The following DUOX1 variants were observed in gnomAD, a reference collection of about 807,000 sequenced individuals.
DUOX1 encodes the protein dual oxidase 1.
DUOX1 carries 134 observed loss-of-function variants against 181.8 expected under a neutral mutation model. The ratio of observed to expected loss-of-function variants is 0.74; its 90% CI spans 0.64 to 0.85. DUOX1 has a LOEUF of 0.85. DUOX1 is among the 40% of genes least tolerant of loss of function. The probability of loss-of-function intolerance (pLI) is 0.00; values close to 1 mark genes in which losing one functional copy is unlikely to be tolerated. For synonymous variants in DUOX1, 798 were observed against 832.5 expected (o/e 0.96, Z 0.71); for missense variants, 1,814 against 2,064.4 (o/e 0.88, Z 2.35).
chr15:45,162,106 T>A (rs1897119809), intron 30 of DUOX1, 113 bp from the exon 31 acceptor site: 1 of 1,486,632 alleles, frequency 6.7e-7, no homozygotes, highest in South Asian at 1.3e-5. Flanking sequence ...ATGCCACAAA[T>A]CCTCCTCTTC....
At chr15:45,150,924 G>A (rs1239824770) in intron 22 of DUOX1, among the ~76,000 whole-genome samples, 199 bp from the exon 23 acceptor site, 1 of 152,186 alleles carries the variant, frequency 6.6e-6, no homozygotes, top group African/African-American at 2.4e-5. Flanking sequence ...CCCTTGTGAA[G>A]GGTAAAGGCA....
chr15:45,132,242 C>A (rs1269108352), intron 2 of DUOX1, among the ~76,000 whole-genome samples: 1 of 152,222 alleles, frequency 6.6e-6, no homozygotes, highest in South Asian at 2.1e-4. Context: ...AGGGAGCCTT[C>A]AGCTGCTGTC....
intron 2 of DUOX1, 85 bp downstream of exon 2, chr15:45,132,109 A>C: frequency 8.2e-7 from 1 of 1,226,230 alleles, no homozygotes; most frequent in Admixed American, 2.4e-5. Flanking sequence ...GATCCATTTG[A>C]TATTCATCTG....
Position 45,144,066 on chromosome 15 carries a change from G to C in DUOX1, c.1967G>C (p.Cys656Ser), listed in dbSNP as rs147524668. The change falls in exon 17 of 34, where the codon TGC (cysteine) becomes TCC (serine). Residue 656 changes from cysteine (C) to serine (S), a missense_variant. By Grantham distance (112) the Cys-to-Ser change is moderately radical. Around this residue, in one of 5 missense-constraint regions of DUOX1, gnomAD observed 1,064 missense variants for 1,152.9 expected, o/e 0.92. Coordinates refer to ENST00000389037, the MANE Select transcript of DUOX1 (RefSeq NM_175940.3). ...GAATGGCAAGGCCACAAGGAGCCCTGCCGGCCCGTGCTTGTGTACCTGCAG... is the reference window on the plus strand; with the variant it reads ...GAATGGCAAGGCCACAAGGAGCCCTCCCGGCCCGTGCTTGTGTACCTGCAG... ...ALEWQGHKEPCRPVLVYLQPG... is the reference protein window; with the variant it reads ...ALEWQGHKEPSRPVLVYLQPG... 6.2e-7 allele frequency: 1 copy of C among 1,613,854 alleles called. No homozygotes were observed. Among genetic ancestry groups the C allele is most frequent in the African/African-American group, 1.3e-5 (1 of 74,936 alleles).
chr15:45,152,309 A>G lies in DUOX1; in HGVS notation c.3217A>G (p.Thr1073Ala), dbSNP rs757070876. The G allele has an allele frequency of 7.4e-6, 12 of 1,613,828 alleles. No homozygotes were observed. The highest frequency in any genetic ancestry group is 1.3e-5 in the African/African-American group (1 of 74,866). The change falls in exon 25 of 34, where the codon ACG becomes GCG. Residue 1073 changes from threonine (T) to alanine (A), a missense_variant. This residue lies in a region of DUOX1 where 1,064 missense variants were observed against 1,152.9 expected (regional missense o/e 0.92). Transcript: ENST00000389037. ...AYYYAFAAHHTGITDTTRVGI... is the reference protein window; with the variant it reads ...AYYYAFAAHHAGITDTTRVGI... ...AGACTACGCCTTTGCCGCACATCAC[A>G]CGGGCATCACAGACACCACCCGCGT...
In DUOX1 at chr15:45,151,217, C is replaced by A; in HGVS notation, c.2983C>A (p.Pro995Thr). The part of the protein sequence containing the change: ...RLQCPMDTDP[P>T]QEIRRRFGKK... ...GCAGTGCCCCATGGACACAGACCCT[C>A]CCCAGGAGATTCGGCGGAGGTTTGG... The change falls in exon 23 of 34, where the codon CCC (proline) becomes ACC (threonine). Residue 995 changes from proline (P) to threonine (T), a missense_variant. Around this residue, in one of 5 missense-constraint regions of DUOX1, gnomAD observed 1,064 missense variants for 1,152.9 expected, o/e 0.92. Coordinates refer to ENST00000389037, the MANE Select transcript of DUOX1 (RefSeq NM_175940.3). 2 of 1,614,158 alleles carry A rather than the reference C, an allele frequency of 1.2e-6. No individual in the cohort carries two copies. The highest frequency in any genetic ancestry group is 1.7e-6 in the Non-Finnish European group (2 of 1,180,012).
In DUOX1 at chr15:45,148,410, C is replaced by G; in HGVS notation, c.2781C>G (p.His927Gln). The G allele has an allele frequency of 6.2e-7, 1 of 1,614,140 alleles. No homozygotes were observed. ...ATTTTCACTTCATGCTGCGGGACCACAATAGCGAGCTCCGCTTCACGCAGC... is the reference window on the plus strand; with the variant it reads ...ATTTTCACTTCATGCTGCGGGACCAGAATAGCGAGCTCCGCTTCACGCAGC... ...WEDFHFMLRD[H>Q]NSELRFTQLC... The change falls in exon 21 of 34, where the codon CAC becomes CAG. Residue 927 changes from histidine (H) to glutamine (Q), a missense_variant. Physicochemically the swap from His to Gln is conservative, Grantham distance 24. Coordinates refer to ENST00000389037, the MANE Select transcript of DUOX1 (RefSeq NM_175940.3).
chr15:45,147,534 C>G lies in DUOX1; in HGVS notation c.2424C>G (p.Ala808=). The change falls in exon 19 of 34, where the codon GCC becomes GCG. Residue 808 remains alanine (A), a synonymous_variant. Coordinates refer to ENST00000389037, the MANE Select transcript of DUOX1 (RefSeq NM_175940.3). The part of the protein sequence containing the change: ...LTCELSRAEF[A]ESLGLKPQDM... ...GTGAGCTGAGCAGGGCCGAGTTTGCCGAGTCCCTGGGCCTCAAGCCCCAGG... is the reference window on the plus strand; with the variant it reads ...GTGAGCTGAGCAGGGCCGAGTTTGCGGAGTCCCTGGGCCTCAAGCCCCAGG... 1.9e-6 allele frequency: 3 copies of G among 1,614,062 alleles called. No individual in the cohort carries two copies. The highest frequency in any genetic ancestry group is 2.5e-6 in the Non-Finnish European group (3 of 1,179,966).
intron 16 of DUOX1, among the ~76,000 whole-genome samples, 191 bp downstream of exon 16, chr15:45,143,494 T>TG (rs1896561770): frequency 6.6e-6 from 1 of 152,132 alleles, no homozygotes; most frequent in South Asian, 2.1e-4. Flanking sequence ...CAGCAGTCAT[T>TG]GGACCTTGCC....
At position 45,136,456 on chromosome 15, in the gene DUOX1, C is replaced by T. The variant is rs369783477; in HGVS notation, c.925+46C>T. The T allele has an allele frequency of 4.2e-6, 6 of 1,413,728 alleles. No homozygotes were observed. The African/African-American group carries it at 7.0e-5, about 17-fold the overall frequency. The allele number at this position is 1,413,728 out of a possible 1,614,324, so 87.6% of individuals were successfully genotyped here. A position where few individuals can be genotyped will look rare whatever the true frequency, so the allele number is the denominator to read the frequency against. On this transcript the variant is annotated intron_variant, in intron 8 of 33. Coordinates refer to ENST00000389037, the MANE Select transcript of DUOX1 (RefSeq NM_175940.3). Reference sequence around the variant, plus strand: ...GATGGGAGGGCTTGCGTGTGTCTTGCGGGGTGGGGTGGGGACTACGTTGGG... The same window carrying T: ...GATGGGAGGGCTTGCGTGTGTCTTGTGGGGTGGGGTGGGGACTACGTTGGG...
In DUOX1 at chr15:45,152,527, G is replaced by A. The variant is rs760749776; in HGVS notation, c.3424+11G>A. The A allele has an allele frequency of 1.2e-6, 2 of 1,612,712 alleles. No homozygotes were observed. Among genetic ancestry groups the A allele is most frequent in the Non-Finnish European group, 1.7e-6 (2 of 1,179,348 alleles). ...CCATCGTCCTCACAGGCAGGGCCTG[G>A]GTGTCCCTGGGAGGCTCTCCAGGGC... On this transcript the variant is annotated intron_variant, in intron 25 of 33. Transcript: ENST00000389037.
chr15:45,130,784 T>TA (rs775867039), intron 1 of DUOX1, among the ~76,000 whole-genome samples: 1 of 152,154 alleles, frequency 6.6e-6, no homozygotes, highest in Non-Finnish European at 1.5e-5. Context: ...AGTGGTACAT[T>TA]AGCGTTGAGG....
intron 11 of DUOX1, 87 bp downstream of exon 11, chr15:45,139,255 G>A: frequency 1.9e-6 from 3 of 1,607,782 alleles, no homozygotes; most frequent in Non-Finnish European, 2.5e-6. Context: ...GTATGAGGGG[G>A]TGCCTGGGGC....
In DUOX1 at chr15:45,147,545, G is replaced by A; in HGVS notation, c.2435G>A (p.Gly812Asp). The change falls in exon 19 of 34, where the codon GGC becomes GAC. Residue 812 changes from glycine to aspartate, a missense_variant. This residue lies in a region of DUOX1 where 1,064 missense variants were observed against 1,152.9 expected (regional missense o/e 0.92). Transcript: ENST00000389037. Reference sequence around the variant, plus strand: ...AGGGCCGAGTTTGCCGAGTCCCTGGGCCTCAAGCCCCAGGACATGTTTGTG... The same window carrying A: ...AGGGCCGAGTTTGCCGAGTCCCTGGACCTCAAGCCCCAGGACATGTTTGTG... ...LSRAEFAESL[G>D]LKPQDMFVES... 1 of 1,614,104 alleles carries A rather than the reference G, an allele frequency of 6.2e-7. No individual in the cohort carries two copies. Among genetic ancestry groups the A allele is most frequent in the Non-Finnish European group, 8.5e-7 (1 of 1,179,978 alleles).
In DUOX1 at chr15:45,131,828, G is replaced by A. The variant is rs1896161758; in HGVS notation, c.-49-90G>A. 6.5e-6 allele frequency: 6 copies of A among 916,874 alleles called. No homozygotes were observed. In the Admixed American group the frequency reaches 1.1e-4, roughly 16 times the overall value. 56.8% of individuals were successfully genotyped at this position (916,874 alleles called of 1,614,324 possible). A position where few individuals can be genotyped will look rare whatever the true frequency, so the allele number is the denominator to read the frequency against. On this transcript the variant is annotated intron_variant, in intron 1 of 33. Coordinates refer to ENST00000389037, the MANE Select transcript of DUOX1 (RefSeq NM_175940.3). ...TGCTACCTACTGTGACCTTGGCCCA[G>A]CCCCAGGCCTTGATTCACAGAGGCC...
At position 45,136,525 on chromosome 15, in the gene DUOX1, C is replaced by G. The variant is rs1896320770; in HGVS notation, c.926-4C>G. Reference sequence around the variant, plus strand: ...TTCTGTCCTCTCTTCTCCTATTTCCCCAGGATACCGGCCATTTCTGGACCC... The same window carrying G: ...TTCTGTCCTCTCTTCTCCTATTTCCGCAGGATACCGGCCATTTCTGGACCC... On this transcript the variant is annotated splice_region_variant and splice_polypyrimidine_tract_variant and intron_variant, in intron 8 of 33. Coordinates refer to ENST00000389037, the MANE Select transcript of DUOX1 (RefSeq NM_175940.3). The G allele has an allele frequency of 6.2e-7, 1 of 1,614,028 alleles. No homozygotes were observed. Among genetic ancestry groups the G allele is most frequent in the Non-Finnish European group, 8.5e-7 (1 of 1,180,018 alleles).
In DUOX1 at chr15:45,148,454, C is replaced by A. The variant is rs1405127611; in HGVS notation, c.2818+7C>A. On this transcript the variant is annotated splice_region_variant and intron_variant, in intron 21 of 33. Coordinates refer to ENST00000389037, the MANE Select transcript of DUOX1 (RefSeq NM_175940.3). ...ACGCAGCTCTGTGTCAAAGGTGGGG[C>A]AGCCTGGTAGGCAGCACTGACTCAT... 1.2e-6 allele frequency: 2 copies of A among 1,608,256 alleles called. No homozygotes were observed. The highest frequency in any genetic ancestry group is 3.3e-5 in the Admixed American group (2 of 59,890).
intron 21 of DUOX1, 74 bp from the exon 22 acceptor site, chr15:45,150,558 G>A (rs1595588303): frequency 7.3e-7 from 1 of 1,374,128 alleles, no homozygotes; most frequent in East Asian, 2.3e-5. Flanking sequence ...GATGGTAGGA[G>A]TGCTGTGCGT....
chr15:45,162,136 T>C, intron 30 of DUOX1, 83 bp from the exon 31 acceptor site: 2 of 1,548,782 alleles, frequency 1.3e-6, no homozygotes, highest in Admixed American at 3.6e-5. Flanking sequence ...CATATACGTA[T>C]CTACCTTTCC....
Sources: allele counts gnomAD v4.1 joint callset (sites outside exome capture counted in the v4.1 genomes callset), GRCh38; gene constraint gnomAD v4.1.1; regional missense constraint gnomAD v4.1.1; transcripts MANE v1.5; gene names NCBI Gene and HGNC (gene_info 2026-07-23, HGNC 2026-07-21).